The following LVRN variants were observed in gnomAD, a reference collection of about 807,000 sequenced individuals.
LVRN encodes the protein aminopeptidase Q.
A neutral mutation model predicts 111.4 loss-of-function variants in LVRN; 99 were observed. The observed-to-expected ratio is 0.89, with a 90% confidence interval of 0.76 to 1.05. LVRN has a LOEUF of 1.05. LVRN is among the 50% of genes least tolerant of loss of function. LVRN has a pLI of 0.00. For synonymous variants in LVRN, 488 were observed against 449.5 expected, an observed-to-expected ratio of 1.09 and a Z score of -1.08; for missense variants, 1,414 against 1,206.8, an observed-to-expected ratio of 1.17 and a Z score of -2.54.
chr5:115,965,699 C>G (rs773939419), intron 1 of LVRN, among the ~76,000 whole-genome samples: 1 of 152,068 alleles, frequency 6.6e-6, no homozygotes, highest in Non-Finnish European at 1.5e-5. Flanking sequence ...GTGAGTGAAT[C>G]TCATGAGATC....
In LVRN at chr5:115,983,659, G is replaced by A. The variant is rs1287988851; in HGVS notation, c.838+230G>A. On this transcript the variant is annotated intron_variant, in intron 2 of 19. Transcript: ENST00000357872. Reference sequence around the variant, plus strand: ...AGGATATTACACTGTTCTTATAAATGGGCAGTCTGCCTGCCACTTAGTTTG... The same window carrying A: ...AGGATATTACACTGTTCTTATAAATAGGCAGTCTGCCTGCCACTTAGTTTG... 3.9e-5 allele frequency among the ~76,000 whole-genome samples: 6 copies of A among 152,244 alleles called. No individual in the cohort carries two copies. The East Asian group carries it at 7.7e-4, about 20-fold the overall frequency.
At chr5:115,982,721 C>T (rs6594928) in intron 1 of LVRN, among the ~76,000 whole-genome samples, 104,169 of 151,944 alleles carry the variant, frequency 0.69, 36,452 homozygotes, top group East Asian at 0.94. Flanking sequence ...GAAGAATCAG[C>T]AGGGATTTGA....
intron 18 of LVRN, among the ~76,000 whole-genome samples, chr5:116,016,786 A>G (rs1356469618): frequency 6.6e-6 from 1 of 152,200 alleles, no homozygotes; most frequent in Non-Finnish European, 1.5e-5. Context: ...TCATTTTGCC[A>G]GTAGACCAGT....
rs1183434245 is a variant in LVRN, at chr5:115,984,664, T to C, written c.933T>C (p.Val311=). ...PHMPTYLVAF[V]ICDYDHVNRT... is the part of the protein sequence containing the mutation. The stretch of plus-strand genomic sequence containing the variant: ...TGCCAACTTACTTAGTCGCATTTGT[T>C]ATATGTGACTATGACCACGTCAACA... The change falls in exon 3 of 20, where the codon GTT becomes GTC. Residue 311 remains valine (V), a synonymous_variant. Coordinates refer to ENST00000357872, the MANE Select transcript of LVRN (RefSeq NM_173800.5). The C allele has an allele frequency of 2.5e-6, 4 of 1,613,668 alleles. No homozygotes were observed. The highest frequency in any genetic ancestry group is 1.1e-5 in the South Asian group (1 of 91,068).
At chr5:115,974,833 A>C (rs1305028036) in intron 1 of LVRN, 1 of 323,918 alleles carries the variant, frequency 3.1e-6, no homozygotes, top group African/African-American at 2.2e-5. Context: ...ATTAATATTC[A>C]CTTGACTTAT....
In LVRN at chr5:116,026,070, C is replaced by T. The variant is rs1748856763; in HGVS notation, c.2925C>T (p.Asn975=). 1.2e-6 allele frequency: 2 copies of T among 1,613,854 alleles called. No individual in the cohort carries two copies. The highest frequency in any genetic ancestry group is 1.7e-6 in the Non-Finnish European group (2 of 1,179,854). The part of the protein sequence containing the change: ...LQTIKNENLK[N]KKLSARIAAW... ...CAATAAAGAATGAAAATCTGAAAAACAAGAAGCTAAGTGCCAGGATAGCTG... is the reference window on the plus strand; with the variant it reads ...CAATAAAGAATGAAAATCTGAAAAATAAGAAGCTAAGTGCCAGGATAGCTG... Residue 975 remains asparagine (N), a synonymous_variant, in exon 20 of 20, where the codon AAC becomes AAT. Coordinates refer to ENST00000357872, the MANE Select transcript of LVRN (RefSeq NM_173800.5).
intron 6 of LVRN, among the ~76,000 whole-genome samples, chr5:115,996,930 T>A (rs60033099): frequency 0.16 from 24,994 of 152,204 alleles, 2,298 homozygotes; most frequent in East Asian, 0.41. Flanking sequence ...CAGATGATAA[T>A]TGCATCTGCT....
chr5:115,988,481 G>C (rs1747917377), intron 4 of LVRN, among the ~76,000 whole-genome samples: 3 of 152,094 alleles, frequency 2.0e-5, no homozygotes, highest in Admixed American at 2.0e-4. Flanking sequence ...ACCTTTCATA[G>C]ATCTGTGTGG....
At position 115,962,750 on chromosome 5, in the gene LVRN, C is replaced by A. The variant is rs192056298; in HGVS notation, c.133C>A (p.Pro45Thr). The change falls in exon 1 of 20, where the codon CCG becomes ACG. Residue 45 changes from proline to threonine, a missense_variant. Coordinates refer to ENST00000357872, the MANE Select transcript of LVRN (RefSeq NM_173800.5). The part of the protein sequence containing the change: ...ALYGHCERVP[P>T]SELPGLRDLE... ...GTACGGCCACTGCGAGCGCGTCCCA[C>A]CGTCGGAGCTGCCTGGACTCAGGGA... 6.2e-7 allele frequency: 1 copy of A among 1,611,890 alleles called. No homozygotes were observed. The highest frequency in any genetic ancestry group is 8.5e-7 in the Non-Finnish European group (1 of 1,179,374).
At chr5:115,996,239 C>G (rs1748107551) in intron 6 of LVRN, among the ~76,000 whole-genome samples, 1 of 152,224 alleles carries the variant, frequency 6.6e-6, no homozygotes, top group Non-Finnish European at 1.5e-5. Flanking sequence ...TCATGAGCAT[C>G]AATTTCAGTT....
At chr5:116,005,210 G>T (rs1215191738) in intron 12 of LVRN, among the ~76,000 whole-genome samples, 1 of 152,192 alleles carries the variant, frequency 6.6e-6, no homozygotes, top group Non-Finnish European at 1.5e-5. Flanking sequence ...GACTTGCTCG[G>T]ACCCTTAAAG....
Position 116,027,420 on chromosome 5 carries a change from G to A in LVRN, c.*1302G>A, listed in dbSNP as rs749894878. 6 of 152,110 alleles carry A rather than the reference G, an allele frequency of 3.9e-5. No individual in the cohort carries two copies. Among genetic ancestry groups the A allele is most frequent in the Admixed American group, 1.3e-4 (2 of 15,264 alleles). 9.4% of individuals were successfully genotyped at this position (152,110 alleles called of 1,614,324 possible). A position where few individuals can be genotyped will look rare whatever the true frequency, so the allele number is the denominator to read the frequency against. On this transcript the variant is annotated 3_prime_UTR_variant, in exon 20 of 20. Transcript: ENST00000357872. ...CCATAAATGAAAATACAAAACAAAC[G>A]TTTGCTTTTGTATTTGATTCACAAG...
At chr5:116,022,513 C>G in intron 19 of LVRN, 47 bp downstream of exon 19, 2 of 1,296,718 alleles carry the variant, frequency 1.5e-6, no homozygotes, top group Admixed American at 2.2e-5. Flanking sequence ...TTGGAAACCA[C>G]TTTTTATGCA....
At chr5:115,963,570 C>T (rs1002901192) in intron 1 of LVRN, among the ~76,000 whole-genome samples, 1 of 152,206 alleles carries the variant, frequency 6.6e-6, no homozygotes, top group Non-Finnish European at 1.5e-5. Flanking sequence ...AAGAAATATA[C>T]CCATTAGGTA....
At position 116,015,677 on chromosome 5, in the gene LVRN, A is replaced by G. The variant is rs1748589962; in HGVS notation, c.2668A>G (p.Asn890Asp). The G allele has an allele frequency of 1.2e-6, 2 of 1,613,266 alleles. No homozygotes were observed. The highest frequency in any genetic ancestry group is 8.5e-7 in the Non-Finnish European group (1 of 1,179,594). ...ATCTCCATTCACTTCTAATGAAACA[A>G]ATATAATTGAGGTTGTGGCTTCATC... ...STSPFTSNET[N>D]IIEVVASSEV... is the part of the protein sequence containing the mutation. The change falls in exon 18 of 20, where the codon AAT (asparagine) becomes GAT (aspartate). Residue 890 changes from asparagine (N) to aspartate (D), a missense_variant. Coordinates refer to ENST00000357872, the MANE Select transcript of LVRN (RefSeq NM_173800.5).
At chr5:115,977,203 T>G (rs937429340) in intron 1 of LVRN, among the ~76,000 whole-genome samples, 2 of 152,180 alleles carry the variant, frequency 1.3e-5, no homozygotes, top group African/African-American at 4.8e-5. Flanking sequence ...TTTCTTTGCA[T>G]AGTTACCTCT....
At chr5:116,011,385 A>C (rs1748486601) in intron 14 of LVRN, among the ~76,000 whole-genome samples, 2 of 152,156 alleles carry the variant, frequency 1.3e-5, no homozygotes, top group African/African-American at 4.8e-5. Context: ...TATTAGGAAA[A>C]GAAAGAGAGA....
At chr5:115,969,932 T>C (rs1157198521) in intron 1 of LVRN, among the ~76,000 whole-genome samples, 1 of 152,196 alleles carries the variant, frequency 6.6e-6, no homozygotes, top group Admixed American at 6.5e-5. Context: ...AATAGCTGTT[T>C]TAATGTTCTT....
At chr5:115,973,711 G>A (rs747010395) in intron 1 of LVRN, among the ~76,000 whole-genome samples, 2 of 151,960 alleles carry the variant, frequency 1.3e-5, no homozygotes, top group Non-Finnish European at 2.9e-5. Context: ...AAAATATTTC[G>A]TTATTATTTT....
Sources: allele counts gnomAD v4.1 joint callset (sites outside exome capture counted in the v4.1 genomes callset), GRCh38; gene constraint gnomAD v4.1.1; transcripts MANE v1.5; gene names NCBI Gene and HGNC (gene_info 2026-07-23, HGNC 2026-07-21).